PCDH11X: variants seen among roughly 807,000 people sequenced by gnomAD.
PCDH11X encodes the protein protocadherin-11 X-linked.
Under a neutral mutation model 53.3 loss-of-function variants are expected in PCDH11X, and 18 were observed. The ratio of observed to expected loss-of-function variants is 0.34; its 90% CI spans 0.23 to 0.50. The LOEUF (loss-of-function observed/expected upper bound fraction) is 0.50. PCDH11X is among the 20% of genes least tolerant of loss of function. PCDH11X has a pLI of 0.98. For synonymous variants in PCDH11X, 279 were observed against 393.3 expected (o/e 0.71, Z 3.44); for missense variants, 570 against 1,032.4 (o/e 0.55, Z 6.14).
chrX:91,918,700 A>G (rs2147815611), intron 6 of PCDH11X, among the ~76,000 whole-genome samples: 1 of 111,640 alleles, frequency 9.0e-6, no homozygotes, highest in African/African-American at 3.2e-5. Flanking sequence ...TTTACTTTTA[A>G]TAAAGGAAAG....
intron 6 of PCDH11X, among the ~76,000 whole-genome samples, chrX:92,192,314 CTTT>C (rs2148309169): frequency 8.9e-6 from 1 of 112,006 alleles, no homozygotes; most frequent in Non-Finnish European, 1.9e-5. Context: ...ATTTCATTCT[CTTT>C]TTATTTTTTT....
chrX:92,485,592 T>C (rs774201537), intron 10 of PCDH11X, among the ~76,000 whole-genome samples: 2 of 111,863 alleles, frequency 1.8e-5, no homozygotes, highest in South Asian at 7.4e-4. Context: ...AATAGAAAGA[T>C]TGATGAAATG....
chrX:91,941,167 CA>C (rs2061504309), intron 6 of PCDH11X, among the ~76,000 whole-genome samples: 1 of 110,072 alleles, frequency 9.1e-6, no homozygotes, highest in African/African-American at 3.3e-5. Context: ...ATAGGACAAA[CA>C]AAAAAACAAA....
intron 9 of PCDH11X, among the ~76,000 whole-genome samples, chrX:92,457,887 C>T (rs1404652231): frequency 9.4e-6 from 1 of 106,052 alleles, no homozygotes; most frequent in Non-Finnish European, 2.0e-5. Flanking sequence ...TATACAAAAA[C>T]ATGTAAACAT....
At chrX:92,004,760 A>G (rs1214488577) in intron 6 of PCDH11X, among the ~76,000 whole-genome samples, 1 of 77,164 alleles carries the variant, frequency 1.3e-5, no homozygotes, top group African/African-American at 4.8e-5. Flanking sequence ...TTTTCAGTCT[A>G]TGTGTGCCTT....
At chrX:92,208,508 A>AATATATATATATATATATATATAT (rs58212809) in intron 7 of PCDH11X, among the ~76,000 whole-genome samples, 890 of 30,387 alleles carry the variant, frequency 0.029, 121 homozygotes, top group Middle Eastern at 0.065. Flanking sequence ...CCCTGAAACT[A>AATATATATATATATATATATATAT]ATATATATAT....
intron 7 of PCDH11X, among the ~76,000 whole-genome samples, chrX:92,230,708 G>A (rs1432939386): frequency 9.7e-6 from 1 of 102,654 alleles, no homozygotes; most frequent in African/African-American, 3.5e-5. Context: ...AATGGAGCTG[G>A]TATCCTGGGA....
chrX:91,894,727 A>G (rs1361386671), intron 6 of PCDH11X, among the ~76,000 whole-genome samples: 1 of 110,583 alleles, frequency 9.0e-6, no homozygotes, highest in East Asian at 2.9e-4. Flanking sequence ...TTTTTGTTTC[A>G]TGGAGAAAAA....
chrX:91,910,151 A>G (rs919808344), intron 6 of PCDH11X, among the ~76,000 whole-genome samples: 4 of 107,988 alleles, frequency 3.7e-5, no homozygotes, highest in African/African-American at 6.7e-5. Context: ...CAGTGAAACA[A>G]AGTATCTGAA....
At chrX:91,824,325 A>G (rs1237276391) in intron 4 of PCDH11X, among the ~76,000 whole-genome samples, 1 of 110,384 alleles carries the variant, frequency 9.1e-6, no homozygotes, top group African/African-American at 3.3e-5. Flanking sequence ...TCAGACGTAG[A>G]TTTGGTCTTT....
At chrX:92,370,455 TTTTTC>T (rs1462000407) in intron 8 of PCDH11X, among the ~76,000 whole-genome samples, 2 of 98,718 alleles carry the variant, frequency 2.0e-5, no homozygotes, top group African/African-American at 7.7e-5. Context: ...CATATGTTCT[TTTTTC>T]TTTTTTTTTT....
At chrX:92,285,314 C>T (rs376879985) in intron 8 of PCDH11X, among the ~76,000 whole-genome samples, 27 of 96,005 alleles carry the variant, frequency 2.8e-4, no homozygotes, top group African/African-American at 1.0e-3. Context: ...AGTGCAATGG[C>T]GCGATCTCGG....
At chrX:92,568,191 G>C (rs1921725118) in intron 10 of PCDH11X, among the ~76,000 whole-genome samples, 2 of 110,083 alleles carry the variant, frequency 1.8e-5, no homozygotes, top group Admixed American at 1.9e-4. Flanking sequence ...GGAGGCCAAG[G>C]CGGGCAGATC....
intron 7 of PCDH11X, 58 bp from the exon 8 acceptor site, chrX:92,263,056 T>C: frequency 1.8e-6 from 2 of 1,133,103 alleles, no homozygotes; most frequent in Non-Finnish European, 2.3e-6. Context: ...TTTGAGCTGA[T>C]TTTTGTTTTT....
intron 9 of PCDH11X, among the ~76,000 whole-genome samples, chrX:92,410,225 A>G (rs1321348846): frequency 9.0e-6 from 1 of 110,730 alleles, no homozygotes. Context: ...TAATTAAGGA[A>G]GGAAAATCTT....
intron 6 of PCDH11X, among the ~76,000 whole-genome samples, chrX:91,991,348 C>CTT (rs1479279720): frequency 4.1e-5 from 3 of 72,529 alleles, no homozygotes; most frequent in African/African-American, 1.8e-4. Context: ...TTTGTTAAGA[C>CTT]TTTCTTTTTT....
chrX:91,804,776 A>C (rs1432137054), intron 1 of PCDH11X, among the ~76,000 whole-genome samples: 1 of 111,211 alleles, frequency 9.0e-6, no homozygotes, highest in Non-Finnish European at 1.9e-5. Flanking sequence ...GTCATGATAA[A>C]AGACAGCCAA....
At chrX:92,263,807 T>C (rs2067768766) in intron 8 of PCDH11X, among the ~76,000 whole-genome samples, 1 of 112,437 alleles carries the variant, frequency 8.9e-6, no homozygotes, top group South Asian at 3.6e-4. Context: ...AACTATCTCA[T>C]ACATATTGTT....
chrX:92,218,865 A>T (rs1190672427), intron 7 of PCDH11X, among the ~76,000 whole-genome samples: 1 of 111,746 alleles, frequency 8.9e-6, no homozygotes, highest in Admixed American at 9.5e-5. Context: ...AGTGGGCTTC[A>T]TCCCTGGGAT....
Sources: allele counts gnomAD v4.1 joint callset (sites outside exome capture counted in the v4.1 genomes callset), GRCh38; gene constraint gnomAD v4.1.1; transcripts MANE v1.5; gene names NCBI Gene and HGNC (gene_info 2026-07-23, HGNC 2026-07-21).